GLRA3: variants seen among roughly 807,000 people sequenced by gnomAD.
GLRA3 encodes glycine receptor subunit alpha-3.
A neutral mutation model predicts 60.4 loss-of-function variants in GLRA3; 44 were observed. The ratio of observed to expected loss-of-function variants is 0.73; its 90% confidence interval spans 0.57 to 0.94. GLRA3 has a LOEUF of 0.94. Among genes scored for constraint, GLRA3 ranks in the 40% least tolerant of loss-of-function variants. The probability of loss-of-function intolerance (pLI) is 0.00; values close to 1 mark genes in which losing one functional copy is unlikely to be tolerated. For synonymous variants in GLRA3, 223 were observed against 192.9 expected (o/e 1.16, Z -1.29); for missense variants, 508 against 564.6 (o/e 0.90, Z 1.02).
chr4:174,714,770 T>A (rs1222475179), intron 5 of GLRA3, among the ~76,000 whole-genome samples: 1 of 152,180 alleles, frequency 6.6e-6, no homozygotes, highest in East Asian at 1.9e-4. Context: ...TTAAACACTG[T>A]AAACAATTAA....
chr4:174,761,018 A>T (rs148739666), intron 3 of GLRA3, among the ~76,000 whole-genome samples: 172 of 152,254 alleles, frequency 1.1e-3, no homozygotes, highest in African/African-American at 3.5e-3. Context: ...ATACATACAG[A>T]ATGAACATTT....
At position 174,642,165 on chromosome 4, in the gene GLRA3, G is replaced by T; in HGVS notation, c.*1621C>A. 1 of 846,848 alleles carries T rather than the reference G, an allele frequency of 1.2e-6. No homozygotes were observed. Among genetic ancestry groups the T allele is most frequent in the Admixed American group, 6.2e-5 (1 of 16,098 alleles). The allele number at this position is 846,848 out of a possible 1,614,324, so 52.5% of individuals were successfully genotyped here. A position where few individuals can be genotyped will look rare whatever the true frequency, so the allele number is the denominator to read the frequency against. On this transcript the variant is annotated 3_prime_UTR_variant, in exon 10 of 10. Coordinates refer to ENST00000274093, the MANE Select transcript of GLRA3 (RefSeq NM_006529.4). The stretch of plus-strand genomic sequence containing the variant: ...CTTAACATTTACTATTTTTTAAAAT[G>T]TTATTTTAAAAAATTACAATTGTAT...
chr4:174,777,914 A>G (rs1335130770), intron 2 of GLRA3, among the ~76,000 whole-genome samples: 1 of 152,158 alleles, frequency 6.6e-6, no homozygotes, highest in Admixed American at 6.5e-5. Flanking sequence ...GAAAATATAT[A>G]AGCATTACTC....
intron 3 of GLRA3, among the ~76,000 whole-genome samples, chr4:174,750,758 T>A (rs145260292): frequency 2.9e-3 from 440 of 152,222 alleles, no homozygotes; most frequent in African/African-American, 9.8e-3. Context: ...TAGTGATCTT[T>A]GACTGCAGAT....
At chr4:174,721,391 C>T (rs1359142505) in intron 4 of GLRA3, among the ~76,000 whole-genome samples, 2 of 151,816 alleles carry the variant, frequency 1.3e-5, no homozygotes, top group Non-Finnish European at 1.5e-5. Flanking sequence ...GTAATTCTTG[C>T]TCCTGATTAA....
chr4:174,656,048 T>A (rs1053584502), intron 9 of GLRA3, among the ~76,000 whole-genome samples: 3 of 152,132 alleles, frequency 2.0e-5, no homozygotes, highest in African/African-American at 7.2e-5. Context: ...GGCTAAATTC[T>A]TGGCTTCAGT....
chr4:174,781,642 G>A (rs917703321), intron 2 of GLRA3, among the ~76,000 whole-genome samples: 3 of 150,474 alleles, frequency 2.0e-5, no homozygotes, highest in East Asian at 2.0e-4. Context: ...TATCACCACC[G>A]ATCCCACAGA....
chr4:174,660,360 T>A (rs569415137), intron 7 of GLRA3, among the ~76,000 whole-genome samples: 11 of 152,310 alleles, frequency 7.2e-5, no homozygotes, highest in African/African-American at 2.6e-4. Context: ...CTCCTTGCTT[T>A]TTTGTGGCAT....
intron 3 of GLRA3, among the ~76,000 whole-genome samples, chr4:174,749,984 G>C (rs925441677): frequency 6.6e-6 from 1 of 152,074 alleles, no homozygotes; most frequent in Non-Finnish European, 1.5e-5. Context: ...AGCAGAAGCA[G>C]CTCCTCCTCC....
intron 3 of GLRA3, among the ~76,000 whole-genome samples, chr4:174,761,517 T>C (rs1401685308): frequency 5.3e-5 from 8 of 152,194 alleles, no homozygotes; most frequent in Non-Finnish European, 8.8e-5. Flanking sequence ...TCATCTTTTT[T>C]GTTCTCATTT....
chr4:174,741,038 A>G (rs1377623940), intron 3 of GLRA3, among the ~76,000 whole-genome samples: 1 of 152,148 alleles, frequency 6.6e-6, no homozygotes, highest in Non-Finnish European at 1.5e-5. Flanking sequence ...TGATGTATAC[A>G]CTTGTGTATG....
intron 6 of GLRA3, among the ~76,000 whole-genome samples, chr4:174,679,914 T>C (rs930502846): frequency 1.3e-5 from 2 of 152,164 alleles, no homozygotes; most frequent in African/African-American, 4.8e-5. Context: ...TTAGAATGAA[T>C]AAATTCTAGT....
chr4:174,675,515 T>C (rs1734083949), intron 7 of GLRA3, among the ~76,000 whole-genome samples: 2 of 152,128 alleles, frequency 1.3e-5, no homozygotes, highest in South Asian at 4.1e-4. Context: ...TACAGACAAA[T>C]GAGCTTTCAT....
chr4:174,701,322 C>T (rs567504785), intron 5 of GLRA3, among the ~76,000 whole-genome samples: 18 of 152,226 alleles, frequency 1.2e-4, no homozygotes, highest in Admixed American at 6.5e-4. Context: ...ACCTGTTTAC[C>T]GCATAGTTAA....
At chr4:174,674,227 T>A (rs1056650995) in intron 7 of GLRA3, among the ~76,000 whole-genome samples, 3 of 152,112 alleles carry the variant, frequency 2.0e-5, no homozygotes, top group African/African-American at 7.2e-5. Context: ...GCCTATGAAG[T>A]CTTCCTTGAT....
At chr4:174,674,862 A>C (rs966737559) in intron 7 of GLRA3, among the ~76,000 whole-genome samples, 10 of 152,134 alleles carry the variant, frequency 6.6e-5, no homozygotes, top group African/African-American at 2.4e-4. Context: ...TTCTAAATGC[A>C]AGTTATAAAG....
chr4:174,763,440 A>G (rs1345848529), intron 3 of GLRA3, among the ~76,000 whole-genome samples: 1 of 152,198 alleles, frequency 6.6e-6, no homozygotes, highest in Non-Finnish European at 1.5e-5. Context: ...CTTAACCAAT[A>G]AAACCCCAAT....
intron 6 of GLRA3, 122 bp downstream of exon 6, chr4:174,682,680 T>C (rs77644944): frequency 3.2e-6 from 2 of 634,122 alleles, no homozygotes; most frequent in African/African-American, 1.8e-5. Context: ...GCATCCATTT[T>C]CTGCTATATA....
intron 6 of GLRA3, among the ~76,000 whole-genome samples, chr4:174,677,514 C>A (rs1388277959): frequency 6.8e-6 from 1 of 146,460 alleles, no homozygotes; most frequent in Non-Finnish European, 1.5e-5. Flanking sequence ...CATGCACCAC[C>A]AAGCCCGGCT....
Sources: gnomAD v4.1 joint callset for allele counts (sites outside exome capture counted in the v4.1 genomes callset) on GRCh38, gnomAD v4.1.1 for gene constraint, MANE v1.5 for transcripts, NCBI Gene and HGNC (gene_info 2026-07-23, HGNC 2026-07-21) for gene names.